The following TAF6L variants were observed in gnomAD, a reference collection of about 807,000 sequenced individuals.
The protein encoded by TAF6L is TATA-box binding protein associated factor 6 like, also known as TAF6-like RNA polymerase II p300/CBP-associated factor-associated factor 65 kDa subunit 6L.
A neutral mutation model predicts 57.3 loss-of-function variants in TAF6L; 34 were observed. That is an observed-to-expected ratio of 0.59 (90% CI 0.45 to 0.79). The LOEUF (loss-of-function observed/expected upper bound fraction) is 0.79. TAF6L is among the 30% of genes least tolerant of loss of function. TAF6L has a pLI of 0.00. For synonymous variants in TAF6L, 417 were observed against 376.3 expected, an observed-to-expected ratio of 1.11 and a Z score of -1.25; for missense variants, 782 against 853.2, an observed-to-expected ratio of 0.92 and a Z score of 1.04.
chr11:62,781,442 G>A (rs1327604030), intron 6 of TAF6L, among the ~76,000 whole-genome samples: 1 of 152,120 alleles, frequency 6.6e-6, no homozygotes, highest in Non-Finnish European at 1.5e-5. Flanking sequence ...GGGAGGCTGA[G>A]GTGGGCAGAT....
chr11:62,784,298 T>C (rs2084253640), intron 9 of TAF6L, among the ~76,000 whole-genome samples: 3 of 129,806 alleles, frequency 2.3e-5, no homozygotes, highest in Non-Finnish European at 4.9e-5. Context: ...CATATATATA[T>C]ATTCTTAATT....
At chr11:62,776,766 G>A (rs1177726235) in intron 3 of TAF6L, among the ~76,000 whole-genome samples, 1 of 151,254 alleles carries the variant, frequency 6.6e-6, no homozygotes, top group Admixed American at 6.6e-5. Context: ...CATGAGAATC[G>A]CTTGAACCTA....
intron 3 of TAF6L, 109 bp from the exon 4 acceptor site, chr11:62,777,869 C>A (rs2084198448): frequency 1.5e-6 from 2 of 1,333,000 alleles, no homozygotes; most frequent in South Asian, 1.5e-5. Flanking sequence ...GACTTCTGGA[C>A]TTCCTTCAAA....
chr11:62,783,865 T>C (rs2084249167), intron 9 of TAF6L, among the ~76,000 whole-genome samples: 1 of 151,222 alleles, frequency 6.6e-6, no homozygotes, highest in Admixed American at 6.6e-5. Flanking sequence ...AGTTCTATTC[T>C]GTTGATATGC....
At chr11:62,774,684 C>G (rs1272117181) in intron 1 of TAF6L, 1 of 454,746 alleles carries the variant, frequency 2.2e-6, no homozygotes, top group Admixed American at 2.4e-5. Context: ...AAAACAGGTT[C>G]CAGCATTTAG....
rs756823440 is a variant in TAF6L, at chr11:62,778,917, A to G, written c.485A>G (p.His162Arg). The G allele has an allele frequency of 1.9e-6, 3 of 1,614,098 alleles. No individual in the cohort carries two copies. Among genetic ancestry groups the G allele is most frequent in the Non-Finnish European group, 1.7e-6 (2 of 1,180,010 alleles). The change falls in exon 6 of 11, where the codon CAC (histidine) becomes CGC (arginine). Residue 162 changes from histidine (H) to arginine (R), a missense_variant. Transcript: ENST00000294168. Reference sequence around the variant, plus strand: ...ACAGATGACCTTCTCAAGTACTATCACCAGGTGACTCGTGCTGTGCTAGGG... The same window carrying G: ...ACAGATGACCTTCTCAAGTACTATCGCCAGGTGACTCGTGCTGTGCTAGGG... ...SLTDDLLKYY[H>R]QVTRAVLGDD...
chr11:62,782,919 G>C (rs1590937038), intron 9 of TAF6L, 94 bp downstream of exon 9: 21 of 1,521,080 alleles, frequency 1.4e-5, no homozygotes. Context: ...AATAGTGTGT[G>C]CCTGCCACTG....
chr11:62,777,921 C>T (rs2084198890), intron 3 of TAF6L, 57 bp from the exon 4 acceptor site: 2 of 1,590,244 alleles, frequency 1.3e-6, no homozygotes, highest in South Asian at 2.3e-5. Flanking sequence ...CATCCTGGAT[C>T]CTGACGCCTG....
chr11:62,782,239 T>G lies in TAF6L; in HGVS notation c.733T>G (p.Cys245Gly). Reference sequence around the variant, plus strand: ...CTGTCTGGTGGGCAGTGTCCTCTACTGTGTCCTGGAGCCACTGGCTGCCTC... The same window carrying G: ...CTGTCTGGTGGGCAGTGTCCTCTACGGTGTCCTGGAGCCACTGGCTGCCTC... ...VRCLVGSVLYCVLEPLAASIN... is the reference protein window; with the variant it reads ...VRCLVGSVLYGVLEPLAASIN... Residue 245 changes from cysteine to glycine, a missense_variant, in exon 8 of 11, where the codon TGT becomes GGT. Physicochemically the swap from Cys to Gly is radical, Grantham distance 159. Transcript: ENST00000294168. The G allele has an allele frequency of 6.2e-7, 1 of 1,614,248 alleles. No individual in the cohort carries two copies. The highest frequency in any genetic ancestry group is 1.6e-4 in the Middle Eastern group (1 of 6,062).
chr11:62,777,086 G>A (rs1000571143), intron 3 of TAF6L, among the ~76,000 whole-genome samples: 1 of 151,926 alleles, frequency 6.6e-6, no homozygotes. Flanking sequence ...GGCAGAGGTT[G>A]CAGTGAGCTG....
At chr11:62,774,600 G>T in intron 1 of TAF6L, 1 of 454,928 alleles carries the variant, frequency 2.2e-6, no homozygotes, top group Non-Finnish European at 4.4e-6. Flanking sequence ...CCTACCTTCT[G>T]GTGCTGTGCG....
At chr11:62,784,089 A>G (rs1590937716) in intron 9 of TAF6L, among the ~76,000 whole-genome samples, 1 of 135,396 alleles carries the variant, frequency 7.4e-6, no homozygotes, top group African/African-American at 2.7e-5. Flanking sequence ...CCCGGGTTCA[A>G]GTGATTCTCC....
At chr11:62,785,815 G>A (rs1057319595) in intron 9 of TAF6L, among the ~76,000 whole-genome samples, 2 of 152,338 alleles carry the variant, frequency 1.3e-5, no homozygotes, top group East Asian at 3.9e-4. Flanking sequence ...GATTACAGGC[G>A]TGAGCCACAG....
intron 6 of TAF6L, among the ~76,000 whole-genome samples, chr11:62,779,968 A>ATTTT (rs1341684851): frequency 1.1e-4 from 7 of 66,632 alleles, no homozygotes; most frequent in Non-Finnish European, 2.5e-4. Context: ...ATATATATAT[A>ATTTT]TATATATATT....
chr11:62,773,347 C>T (rs1479060380), intron 1 of TAF6L, among the ~76,000 whole-genome samples: 1 of 151,654 alleles, frequency 6.6e-6, no homozygotes, highest in Non-Finnish European at 1.5e-5. Flanking sequence ...GAGGTTTCAC[C>T]ATATTGTCCA....
chr11:62,786,529 C>A lies in TAF6L; in HGVS notation c.1102C>A (p.Arg368=). 2 of 1,552,610 alleles carry A rather than the reference C, an allele frequency of 1.3e-6. No individual in the cohort carries two copies. Among genetic ancestry groups the A allele is most frequent in the South Asian group, 2.4e-5 (2 of 81,710 alleles). Residue 368 remains arginine (R), a synonymous_variant, in exon 11 of 11, where the codon CGA becomes AGA. Transcript: ENST00000294168. Reference sequence around the variant, plus strand: ...TTGGCTCTTACAGGTGGCGGTAGAGCGACTGCTGAAGATGAAGGCCCAGGC... The same window carrying A: ...TTGGCTCTTACAGGTGGCGGTAGAGAGACTGCTGAAGATGAAGGCCCAGGC... ...VYGAILVAVE[R]LLKMKAQAAE... is the part of the protein sequence containing the mutation.
chr11:62,786,861 C>T lies in TAF6L; in HGVS notation c.1434C>T (p.Ala478=). ...PPGDKKEPAA[A]PDSVRKMPQL... Reference sequence around the variant, plus strand: ...GGGACAAGAAGGAGCCGGCGGCAGCCCCGGACTCGGTGCGGAAGATGCCGC... The same window carrying T: ...GGGACAAGAAGGAGCCGGCGGCAGCTCCGGACTCGGTGCGGAAGATGCCGC... Residue 478 remains alanine (A), a synonymous_variant, in exon 11 of 11, where the codon GCC becomes GCT. Transcript: ENST00000294168. 6.3e-7 allele frequency: 1 copy of T among 1,591,288 alleles called. No homozygotes were observed.
At chr11:62,772,183 GAAGTAATCCATATA>G in intron 1 of TAF6L, 3 of 455,868 alleles carry the variant, frequency 6.6e-6, no homozygotes, top group Non-Finnish European at 8.8e-6. Context: ...AGAATATAGT[GAAGTAATCCATATA>G]AAGCACTTAG....
chr11:62,775,076 A>AG (rs1049949145), intron 1 of TAF6L, among the ~76,000 whole-genome samples: 5 of 151,770 alleles, frequency 3.3e-5, no homozygotes, highest in African/African-American at 1.2e-4. Context: ...AAAAAAAAAA[A>AG]AAAAGAAAAG....
Sources: allele counts gnomAD v4.1 joint callset (sites outside exome capture counted in the v4.1 genomes callset), GRCh38; gene constraint gnomAD v4.1.1; transcripts MANE v1.5; gene names NCBI Gene and HGNC (gene_info 2026-07-23, HGNC 2026-07-21).